The following SLC4A10 variants were observed in gnomAD, a reference collection of about 807,000 sequenced individuals.
SLC4A10 encodes solute carrier family 4 member 10, also known as sodium-driven chloride bicarbonate exchanger.
In SLC4A10, 42 loss-of-function variants were observed where a neutral mutation model predicts 137.7. The observed-to-expected ratio is 0.30, with a 90% CI of 0.24 to 0.39. The LOEUF is 0.39. Among genes scored for constraint, SLC4A10 ranks in the 10% least tolerant of loss-of-function variants. SLC4A10 has a pLI of 1.00. For synonymous variants in SLC4A10, 474 were observed against 464.1 expected, an observed-to-expected ratio of 1.02 and a Z score of -0.27; for missense variants, 925 against 1,355.0, an observed-to-expected ratio of 0.68 and a Z score of 4.98.
chr2:161,978,349 T>G (rs1699710570), intron 26 of SLC4A10, among the ~76,000 whole-genome samples: 1 of 124,256 alleles, frequency 8.0e-6, no homozygotes, highest in Non-Finnish European at 1.6e-5. Flanking sequence ...ATTGTGCCAC[T>G]GCACTCCAGC....
intron 1 of SLC4A10, among the ~76,000 whole-genome samples, chr2:161,649,633 T>C (rs1489699054): frequency 6.6e-6 from 1 of 150,786 alleles, no homozygotes; most frequent in Non-Finnish European, 1.5e-5. Flanking sequence ...ATTTTGCCTG[T>C]TTATTTGTGG....
At chr2:161,938,876 A>C (rs1692116183) in intron 15 of SLC4A10, among the ~76,000 whole-genome samples, 1 of 152,150 alleles carries the variant, frequency 6.6e-6, no homozygotes, top group Middle Eastern at 3.4e-3. Context: ...GGGAAAAAAA[A>C]CCCCACAAAT....
rs117451804 is a variant in SLC4A10 at position 161,650,291 on chromosome 2, A to T, written c.48+25725A>T. On this transcript the variant is annotated intron_variant, in intron 1 of 26. Transcript: ENST00000446997. ...CTGGGGTTATGTGATTTTTGGGAAG[A>T]ACACCACAAAGGTGAGGCGTCTTTT... Among the ~76,000 whole-genome samples the T allele has an allele frequency of 6.6e-5, 10 of 152,384 alleles. No homozygotes were observed. The East Asian group carries it at 1.7e-3, about 26-fold the overall frequency.
chr2:161,631,185 T>C (rs2033483755), intron 1 of SLC4A10, among the ~76,000 whole-genome samples: 1 of 151,668 alleles, frequency 6.6e-6, no homozygotes, highest in Admixed American at 6.6e-5. Flanking sequence ...GAGTTTCTTT[T>C]TGCAGTGATG....
At chr2:161,932,526 G>A (rs1055676394) in intron 15 of SLC4A10, among the ~76,000 whole-genome samples, 5 of 151,984 alleles carry the variant, frequency 3.3e-5, no homozygotes, top group Non-Finnish European at 7.4e-5. Context: ...CTAGTACCTC[G>A]GTATCTTCAT....
chr2:161,736,584 A>G (rs531931448), intron 1 of SLC4A10, among the ~76,000 whole-genome samples: 2 of 152,234 alleles, frequency 1.3e-5, no homozygotes, highest in South Asian at 4.1e-4. Flanking sequence ...GCAAAGGGGG[A>G]AAAGCCCATT....
chr2:161,663,931 A>G (rs1246222935), intron 1 of SLC4A10, among the ~76,000 whole-genome samples: 3 of 151,970 alleles, frequency 2.0e-5, no homozygotes, highest in Admixed American at 1.3e-4. Context: ...TTTTTTGTTA[A>G]TAGATATTTG....
chr2:161,717,653 C>A, intron 1 of SLC4A10, among the ~76,000 whole-genome samples: 1 of 152,042 alleles, frequency 6.6e-6, no homozygotes, highest in South Asian at 2.1e-4. Flanking sequence ...GACTTGATTG[C>A]GATGGATAAG....
chr2:161,659,078 A>G (rs977012142), intron 1 of SLC4A10, among the ~76,000 whole-genome samples: 10 of 152,184 alleles, frequency 6.6e-5, no homozygotes, highest in African/African-American at 2.2e-4. Flanking sequence ...AAAAAAAATC[A>G]TTATATAAAA....
At chr2:161,701,874 A>G (rs1574446310) in intron 1 of SLC4A10, among the ~76,000 whole-genome samples, 1 of 151,920 alleles carries the variant, frequency 6.6e-6, no homozygotes, top group Non-Finnish European at 1.5e-5. Context: ...CCTCAGTTAA[A>G]CTAGCTATTA....
chr2:161,701,853 A>G (rs887125554), intron 1 of SLC4A10, among the ~76,000 whole-genome samples: 3 of 151,914 alleles, frequency 2.0e-5, no homozygotes, highest in Admixed American at 1.3e-4. Context: ...CCACAACGAG[A>G]TACCATTTCA....
chr2:161,839,271 A>G (rs1353301456), intron 3 of SLC4A10, among the ~76,000 whole-genome samples: 2 of 152,252 alleles, frequency 1.3e-5, no homozygotes, highest in South Asian at 4.1e-4. Context: ...CAAAGCTAGC[A>G]GCAGAGACCA....
chr2:161,751,603 A>T (rs2048988014), intron 1 of SLC4A10, among the ~76,000 whole-genome samples: 1 of 151,790 alleles, frequency 6.6e-6, no homozygotes, highest in Admixed American at 6.6e-5. Flanking sequence ...ATATTTATTG[A>T]GTATATTTGT....
intron 1 of SLC4A10, among the ~76,000 whole-genome samples, chr2:161,705,534 G>T (rs1319417450): frequency 6.6e-6 from 1 of 151,560 alleles, no homozygotes; most frequent in Admixed American, 6.6e-5. Context: ...ACTCTGCTGT[G>T]GTCTGAATGT....
chr2:161,863,643 C>A (rs1025095086), intron 6 of SLC4A10, among the ~76,000 whole-genome samples: 12 of 152,176 alleles, frequency 7.9e-5, no homozygotes, highest in African/African-American at 2.4e-4. Context: ...CATGGAGCCA[C>A]CCCACTTACT....
At chr2:161,874,601 C>T (rs2061349436) in intron 8 of SLC4A10, among the ~76,000 whole-genome samples, 1 of 152,182 alleles carries the variant, frequency 6.6e-6, no homozygotes, top group South Asian at 2.1e-4. Context: ...CATTTGCGAT[C>T]ACTGGCCCGT....
chr2:161,765,608 C>CAAAAAAAAAAA (rs370721653), intron 1 of SLC4A10, among the ~76,000 whole-genome samples: 1 of 93,164 alleles, frequency 1.1e-5, no homozygotes. Flanking sequence ...GAGCAAGACT[C>CAAAAAAAAAAA]AAAAAAAAAA....
intron 12 of SLC4A10, among the ~76,000 whole-genome samples, chr2:161,902,582 G>A (rs552619440): frequency 6.6e-6 from 1 of 152,198 alleles, no homozygotes; most frequent in African/African-American, 2.4e-5. Context: ...AGTTTCAAAT[G>A]TCCTTTTATT....
At chr2:161,766,926 C>A (rs1443630433) in intron 1 of SLC4A10, among the ~76,000 whole-genome samples, 9 of 150,840 alleles carry the variant, frequency 6.0e-5, no homozygotes, top group African/African-American at 2.2e-4. Context: ...AGATATAAGA[C>A]CACAGGCTAA....
Sources: allele counts gnomAD v4.1 joint callset (sites outside exome capture counted in the v4.1 genomes callset), GRCh38; gene constraint gnomAD v4.1.1; transcripts MANE v1.5; gene names NCBI Gene and HGNC (gene_info 2026-07-23, HGNC 2026-07-21).